KCNAB1: variants seen among roughly 807,000 people sequenced by gnomAD.
KCNAB1 encodes the protein potassium voltage-gated channel subfamily A regulatory beta subunit 1.
A neutral mutation model predicts 64.6 loss-of-function variants in KCNAB1; 35 were observed. That is an observed-to-expected ratio of 0.54 (90% CI 0.41 to 0.72). The LOEUF (loss-of-function observed/expected upper bound fraction) is 0.72. Ranked by LOEUF, KCNAB1 falls within the 30% of genes least tolerant of loss-of-function variation. KCNAB1 has a pLI of 0.00. For synonymous variants in KCNAB1, 177 were observed against 183.8 expected, an observed-to-expected ratio of 0.96 and a Z score of 0.30; for missense variants, 401 against 512.9, an observed-to-expected ratio of 0.78 and a Z score of 2.11.
At chr3:156,240,492 A>G (rs1238666274) in intron 1 of KCNAB1, among the ~76,000 whole-genome samples, 3 of 152,196 alleles carry the variant, frequency 2.0e-5, no homozygotes, top group African/African-American at 7.2e-5. Flanking sequence ...CCACAGAGAC[A>G]ACCACTTTTG....
At chr3:156,290,967 T>C in intron 1 of KCNAB1, 1 of 985,434 alleles carries the variant, frequency 1.0e-6, no homozygotes, top group Non-Finnish European at 1.2e-6. Flanking sequence ...AGCAAGCCAG[T>C]CACAGAGTAT....
At chr3:156,470,018 A>G (rs946561359) in intron 7 of KCNAB1, among the ~76,000 whole-genome samples, 4 of 152,252 alleles carry the variant, frequency 2.6e-5, no homozygotes, top group Admixed American at 6.5e-5. Context: ...AGAAAGTTCA[A>G]ATTGATACAG....
At chr3:156,431,194 T>A (rs137941981) in intron 2 of KCNAB1, among the ~76,000 whole-genome samples, 34 of 152,154 alleles carry the variant, frequency 2.2e-4, no homozygotes, top group Non-Finnish European at 5.0e-4. Context: ...TCCCCATAGT[T>A]CCTGTACTCT....
At chr3:156,189,925 A>T (rs1412102471) in intron 1 of KCNAB1, among the ~76,000 whole-genome samples, 12 of 152,210 alleles carry the variant, frequency 7.9e-5, no homozygotes, top group Non-Finnish European at 1.5e-5. Flanking sequence ...TCTGATACCC[A>T]TGCTGAATTG....
At chr3:156,194,675 G>A (rs375090534) in intron 1 of KCNAB1, among the ~76,000 whole-genome samples, 6 of 151,888 alleles carry the variant, frequency 4.0e-5, no homozygotes, top group East Asian at 1.9e-4. Context: ...AAATTCCCAC[G>A]TCCCCCAGTT....
chr3:156,304,365 G>T (rs1721348549), intron 1 of KCNAB1, among the ~76,000 whole-genome samples: 1 of 152,140 alleles, frequency 6.6e-6, no homozygotes, highest in Admixed American at 6.5e-5. Flanking sequence ...ACTCTGAAGG[G>T]GGAAGCAAGC....
At chr3:156,493,629 T>C (rs1277437875) in intron 8 of KCNAB1, among the ~76,000 whole-genome samples, 1 of 152,290 alleles carries the variant, frequency 6.6e-6, no homozygotes, top group Non-Finnish European at 1.5e-5. Flanking sequence ...TTTCTCCAGC[T>C]GCCCACTAAT....
chr3:156,483,892 A>G (rs750309187), intron 8 of KCNAB1, among the ~76,000 whole-genome samples: 1 of 152,182 alleles, frequency 6.6e-6, no homozygotes, highest in Non-Finnish European at 1.5e-5. Context: ...CAAGAGCTTT[A>G]GAGAAATTAC....
At chr3:156,346,381 G>A (rs760026355) in intron 1 of KCNAB1, among the ~76,000 whole-genome samples, 2 of 152,130 alleles carry the variant, frequency 1.3e-5, no homozygotes, top group Non-Finnish European at 2.9e-5. Context: ...GTGAAGTATT[G>A]ATGAATATGT....
intron 1 of KCNAB1, among the ~76,000 whole-genome samples, chr3:156,178,072 A>G (rs1235916440): frequency 6.6e-6 from 1 of 152,170 alleles, no homozygotes; most frequent in African/African-American, 2.4e-5. Context: ...AGGAAGGGTC[A>G]CCAGACTTCC....
In KCNAB1 at chr3:156,474,806, A is replaced by G; in HGVS notation, c.644A>G (p.Asn215Ser). The change falls in exon 8 of 14, where the codon AAC becomes AGC. Residue 215 changes from asparagine to serine, a missense_variant. Physicochemically the swap from Asn to Ser is conservative, Grantham distance 46 (BLOSUM62 1). Transcript: ENST00000490337. Reference protein sequence around the residue: ...DVVFANRPDSNTPMEEIVRAM... With the variant: ...DVVFANRPDSSTPMEEIVRAM... ...GTCTTTGCAAATCGACCGGACAGTA[A>G]CACTCCCATGGAAGGTAAGTTAAGA... 2 of 1,612,686 alleles carry G rather than the reference A, an allele frequency of 1.2e-6. No homozygotes were observed. Among genetic ancestry groups the G allele is most frequent in the Non-Finnish European group, 1.7e-6 (2 of 1,178,892 alleles).
intron 1 of KCNAB1, among the ~76,000 whole-genome samples, chr3:156,123,342 CT>C (rs1713461520): frequency 6.6e-6 from 1 of 152,160 alleles, no homozygotes. Flanking sequence ...AACTTGTTTC[CT>C]TTCTTGGAAG....
intron 1 of KCNAB1, among the ~76,000 whole-genome samples, chr3:156,147,980 AAC>A (rs1303192283): frequency 9.8e-6 from 1 of 102,018 alleles, no homozygotes; most frequent in African/African-American, 4.0e-5. Context: ...CGCACACACA[AAC>A]ACACACCGCA....
intron 1 of KCNAB1, among the ~76,000 whole-genome samples, chr3:156,173,181 A>G (rs1461367853): frequency 6.6e-6 from 1 of 152,212 alleles, no homozygotes; most frequent in Non-Finnish European, 1.5e-5. Flanking sequence ...GACCCTGGTC[A>G]CAAGGCCCTG....
intron 1 of KCNAB1, among the ~76,000 whole-genome samples, chr3:156,302,985 C>T (rs939557206): frequency 6.6e-6 from 1 of 152,224 alleles, no homozygotes; most frequent in Admixed American, 6.5e-5. Context: ...GTTCACATCA[C>T]AGAATAGACC....
chr3:156,434,299 G>A (rs1427721463), intron 2 of KCNAB1, among the ~76,000 whole-genome samples: 4 of 152,252 alleles, frequency 2.6e-5, no homozygotes, highest in South Asian at 4.2e-4. Context: ...TAGAGGTGGG[G>A]AGACAAGCTC....
At chr3:156,514,219 T>C (rs1717406448) in intron 8 of KCNAB1, 145 bp from the exon 9 acceptor site, 2 of 614,422 alleles carry the variant, frequency 3.3e-6, no homozygotes, top group Admixed American at 2.6e-5. Flanking sequence ...TGTCAGACTA[T>C]AATGTTGTCA....
chr3:156,198,788 G>C (rs1714129920), intron 1 of KCNAB1, among the ~76,000 whole-genome samples: 1 of 151,206 alleles, frequency 6.6e-6, no homozygotes, highest in South Asian at 2.1e-4. Flanking sequence ...GGGGCCTTTA[G>C]CCTATTTACA....
chr3:156,514,242 T>C (rs1292028685), intron 8 of KCNAB1, 122 bp from the exon 9 acceptor site: 1 of 700,842 alleles, frequency 1.4e-6, no homozygotes, highest in Non-Finnish European at 2.5e-6. Flanking sequence ...AATATTAGGC[T>C]AATTTTATTA....
Sources: gnomAD v4.1 joint callset for allele counts (sites outside exome capture counted in the v4.1 genomes callset) on GRCh38, gnomAD v4.1.1 for gene constraint, MANE v1.5 for transcripts, NCBI Gene and HGNC (gene_info 2026-07-23, HGNC 2026-07-21) for gene names.